DPT: variants seen among roughly 807,000 people sequenced by gnomAD.
The protein encoded by DPT is dermatopontin, also known as tyrosine-rich acidic matrix protein.
DPT carries 21 observed loss-of-function variants against 31.2 expected under a neutral mutation model. The ratio of observed to expected loss-of-function variants is 0.67; its 90% CI spans 0.48 to 0.97. The LOEUF is 0.97. DPT is among the 50% of genes least tolerant of loss of function. The pLI is 0.00. For missense variants in DPT, 262 were observed against 258.8 expected, an observed-to-expected ratio of 1.01 and a Z score of -0.08; for synonymous variants, 91 against 86.9, an observed-to-expected ratio of 1.05 and a Z score of -0.26.
At chr1:168,726,536 G>A (rs1178541642) in intron 1 of DPT, among the ~76,000 whole-genome samples, 3 of 152,208 alleles carry the variant, frequency 2.0e-5, no homozygotes, top group Admixed American at 6.5e-5. Context: ...CTGGAGGGCT[G>A]AGCGTCTGGG....
chr1:168,727,861 A>G (rs752920335), intron 1 of DPT, among the ~76,000 whole-genome samples: 10 of 152,006 alleles, frequency 6.6e-5, no homozygotes, highest in Admixed American at 1.3e-4. Context: ...TGACCCCTCC[A>G]ATCCCCACTA....
chr1:168,726,561 C>T (rs1650247172), intron 1 of DPT, among the ~76,000 whole-genome samples: 1 of 152,228 alleles, frequency 6.6e-6, no homozygotes, highest in Non-Finnish European at 1.5e-5. Context: ...GGTCACACCA[C>T]AAGTCATTAG....
chr1:168,727,786 C>T (rs1650283587), intron 1 of DPT, among the ~76,000 whole-genome samples: 1 of 152,012 alleles, frequency 6.6e-6, no homozygotes, highest in Admixed American at 6.5e-5. Flanking sequence ...GATCCTCCCT[C>T]CCCAGCCTCC....
At chr1:168,706,334 A>C (rs945984857) in intron 2 of DPT, among the ~76,000 whole-genome samples, 3 of 152,214 alleles carry the variant, frequency 2.0e-5, no homozygotes, top group African/African-American at 7.2e-5. Flanking sequence ...AAGTTTGTTA[A>C]ATAAAGCCAG....
intron 1 of DPT, among the ~76,000 whole-genome samples, chr1:168,721,772 A>T (rs910751126): frequency 6.6e-6 from 1 of 152,182 alleles, no homozygotes; most frequent in African/African-American, 2.4e-5. Flanking sequence ...TGAACACTGC[A>T]CCGTTTACTG....
intron 2 of DPT, among the ~76,000 whole-genome samples, chr1:168,708,476 A>G (rs1032067453): frequency 6.6e-6 from 1 of 152,252 alleles, no homozygotes; most frequent in African/African-American, 2.4e-5. Flanking sequence ...AAATTGAGAC[A>G]TCTAGTCCAA....
intron 2 of DPT, among the ~76,000 whole-genome samples, chr1:168,713,956 G>GT (rs1649922476): frequency 6.6e-6 from 1 of 152,146 alleles, no homozygotes; most frequent in Admixed American, 6.5e-5. Flanking sequence ...TTCCCACAGA[G>GT]TAGGTGGGTG....
chr1:168,710,492 G>T, intron 2 of DPT, among the ~76,000 whole-genome samples: 1 of 152,200 alleles, frequency 6.6e-6, no homozygotes, highest in East Asian at 1.9e-4. Flanking sequence ...GAGTGGCAAA[G>T]TCATTGCAGA....
intron 2 of DPT, among the ~76,000 whole-genome samples, chr1:168,702,612 C>CTA (rs1649623239): frequency 7.6e-6 from 1 of 132,434 alleles, no homozygotes; most frequent in Admixed American, 7.8e-5. Context: ...AGGTAAATGT[C>CTA]TTTTTTTTTT....
At position 168,728,811 on chromosome 1, in the gene DPT, G is replaced by A. The variant is rs1229086896; in HGVS notation, c.305+59C>T. 4 of 1,575,774 alleles carry A rather than the reference G, an allele frequency of 2.5e-6. No homozygotes were observed. The African/African-American group carries it at 4.0e-5, about 16-fold the overall frequency. On this transcript the variant is annotated intron_variant, in intron 1 of 3. Transcript: ENST00000367817. ...TTCCTTGAGAGTCTAGCAGCCCCCAGGAGGAGGGATATGCAGAGATGTTCC... is the reference window on the plus strand; with the variant it reads ...TTCCTTGAGAGTCTAGCAGCCCCCAAGAGGAGGGATATGCAGAGATGTTCC...
intron 1 of DPT, among the ~76,000 whole-genome samples, chr1:168,724,038 A>T (rs772220086): frequency 6.6e-6 from 1 of 152,212 alleles, no homozygotes. Context: ...TCAAACCAGG[A>T]TAGGTTACTG....
At chr1:168,702,869 C>T (rs1387153179) in intron 2 of DPT, among the ~76,000 whole-genome samples, 2 of 152,248 alleles carry the variant, frequency 1.3e-5, no homozygotes, top group East Asian at 1.9e-4. Flanking sequence ...GCCTCAGCCT[C>T]CCAAAGTGCC....
At chr1:168,713,258 G>C (rs1415439532) in intron 2 of DPT, among the ~76,000 whole-genome samples, 1 of 152,206 alleles carries the variant, frequency 6.6e-6, no homozygotes, top group Non-Finnish European at 1.5e-5. Context: ...CCATCATACA[G>C]TGACAGGTGA....
At chr1:168,711,612 A>C (rs1331355117) in intron 2 of DPT, among the ~76,000 whole-genome samples, 1 of 152,194 alleles carries the variant, frequency 6.6e-6, no homozygotes, top group Non-Finnish European at 1.5e-5. Flanking sequence ...TCCTCTGCAT[A>C]ACCAACCCCG....
At chr1:168,717,594 A>G (rs889759346) in intron 1 of DPT, among the ~76,000 whole-genome samples, 1 of 151,930 alleles carries the variant, frequency 6.6e-6, no homozygotes, top group Non-Finnish European at 1.5e-5. Context: ...CTTTTGTTGC[A>G]ATTGCTTTTG....
intron 3 of DPT, among the ~76,000 whole-genome samples, chr1:168,697,905 C>A (rs1160516112): frequency 6.6e-6 from 1 of 152,214 alleles, no homozygotes; most frequent in Non-Finnish European, 1.5e-5. Flanking sequence ...ACTAGGTAAT[C>A]TTAAGCCCAG....
intron 3 of DPT, among the ~76,000 whole-genome samples, chr1:168,697,471 T>C (rs1449446291): frequency 6.6e-6 from 1 of 152,182 alleles, no homozygotes; most frequent in African/African-American, 2.4e-5. Context: ...CAAGAATTGT[T>C]ATGAATTGCC....
At chr1:168,702,853 C>A (rs1649633348) in intron 2 of DPT, among the ~76,000 whole-genome samples, 2 of 152,042 alleles carry the variant, frequency 1.3e-5, no homozygotes. Flanking sequence ...CTTAAGTGAT[C>A]CACCCGCCTC....
chr1:168,703,931 GCA>G (rs150333549), intron 2 of DPT, among the ~76,000 whole-genome samples: 4 of 151,822 alleles, frequency 2.6e-5, no homozygotes, highest in African/African-American at 4.8e-5. Flanking sequence ...ATGTGCACGC[GCA>G]CACACACACA....
Sources: allele counts gnomAD v4.1 joint callset (sites outside exome capture counted in the v4.1 genomes callset), GRCh38; gene constraint gnomAD v4.1.1; transcripts MANE v1.5; gene names NCBI Gene and HGNC (gene_info 2026-07-23, HGNC 2026-07-21).